Variants in PAPPA observed in about 807,000 individuals in gnomAD.
PAPPA encodes pappalysin 1, also known as pappalysin-1.
In PAPPA, 60 loss-of-function variants were observed where a neutral mutation model predicts 164.0. The observed-to-expected ratio is 0.37, with a 90% CI of 0.30 to 0.45. The LOEUF (loss-of-function observed/expected upper bound fraction) is 0.45, where lower values mean the gene tolerates loss of function less well. PAPPA is among the 20% of genes least tolerant of loss of function. The pLI, the probability that PAPPA is intolerant of heterozygous loss-of-function variation, is 1.00. For missense variants in PAPPA, 1,782 were observed against 2,087.3 expected (o/e 0.85, Z 2.85); for synonymous variants, 875 against 814.1 (o/e 1.07, Z -1.27).
chr9:116,226,544 C>T (rs971299055), intron 5 of PAPPA, among the ~76,000 whole-genome samples: 6 of 152,196 alleles, frequency 3.9e-5, no homozygotes, highest in African/African-American at 7.2e-5. Flanking sequence ...CATTTCTCGA[C>T]GTCTTCCCGA....
chr9:116,359,096 T>C (rs1358458603), intron 17 of PAPPA, among the ~76,000 whole-genome samples: 1 of 152,176 alleles, frequency 6.6e-6, no homozygotes, highest in African/African-American at 2.4e-5. Context: ...AGCTGGGAAG[T>C]TGCCAAGCTT....
chr9:116,166,239 T>C (rs1444646352), intron 1 of PAPPA, among the ~76,000 whole-genome samples: 1 of 152,176 alleles, frequency 6.6e-6, no homozygotes, highest in Admixed American at 6.5e-5. Flanking sequence ...GGAAGGGGAA[T>C]AGTATATTTA....
intron 7 of PAPPA, among the ~76,000 whole-genome samples, chr9:116,250,041 GTGTGTGTGT>G (rs1844842067): frequency 6.6e-6 from 1 of 151,874 alleles, no homozygotes; most frequent in African/African-American, 2.4e-5. Context: ...GTGTGTGTGT[GTGTGTGTGT>G]GTTTGGAGCA....
rs766135471 is a variant in PAPPA at position 116,187,278 on chromosome 9, G to A, written c.540G>A (p.Arg180=). 19 of 1,614,034 alleles carry A rather than the reference G, an allele frequency of 1.2e-5. No homozygotes were observed. The South Asian group carries it at 2.0e-4, about 17-fold the overall frequency. ...TCTCCTTGAAGACAGACCGAGCCCGGCAAGTGACCACCATCAATGCCCACC... is the reference window on the plus strand; with the variant it reads ...TCTCCTTGAAGACAGACCGAGCCCGACAAGTGACCACCATCAATGCCCACC... ...YFFSLKTDRA[R]QVTTINAHRS... is the part of the protein sequence containing the mutation. Residue 180 remains arginine (R), a synonymous_variant, in exon 2 of 22, where the codon CGG becomes CGA. Coordinates refer to ENST00000328252, the MANE Select transcript of PAPPA (RefSeq NM_002581.5). The surrounding 1 kb of genome is among the most constrained non-coding windows in gnomAD (Gnocchi z 4.2).
At chr9:116,191,832 T>C (rs1476176588) in intron 2 of PAPPA, among the ~76,000 whole-genome samples, 2 of 152,024 alleles carry the variant, frequency 1.3e-5, no homozygotes, top group Admixed American at 6.6e-5. Context: ...GGAGGGGCTG[T>C]TTTCAAGGAG....
chr9:116,350,322 T>C (rs1483522659), intron 15 of PAPPA, among the ~76,000 whole-genome samples: 1 of 152,106 alleles, frequency 6.6e-6, no homozygotes, highest in African/African-American at 2.4e-5. Flanking sequence ...CAAAGCCACA[T>C]TGTAGATGCA....
chr9:116,187,118 T>C lies in PAPPA; in HGVS notation c.416-36T>C. On this transcript the variant is annotated intron_variant, in intron 1 of 21. Coordinates refer to ENST00000328252, the MANE Select transcript of PAPPA (RefSeq NM_002581.5). This position sits in a 1 kb window ranked among gnomAD's most constrained non-coding sequence, Gnocchi z 4.2. ...CTTAACCCCCCCTCCTTTTCCATCC[T>C]TTATTTATTCATCTTTCTCTTTTGG... The C allele has an allele frequency of 6.8e-7, 1 of 1,469,218 alleles. No individual in the cohort carries two copies. The highest frequency in any genetic ancestry group is 9.5e-7 in the Non-Finnish European group (1 of 1,054,884). 91.0% of individuals were successfully genotyped at this position (1,469,218 alleles called of 1,614,324 possible).
intron 9 of PAPPA, among the ~76,000 whole-genome samples, chr9:116,281,732 G>T (rs977348852): frequency 6.6e-6 from 1 of 152,104 alleles, no homozygotes; most frequent in African/African-American, 2.4e-5. Flanking sequence ...AGTGACTTTT[G>T]AGAATGTGGC....
chr9:116,216,035 T>C (rs1160238384), intron 4 of PAPPA, among the ~76,000 whole-genome samples: 1 of 152,118 alleles, frequency 6.6e-6, no homozygotes, highest in Non-Finnish European at 1.5e-5. Context: ...GTAATGTTTA[T>C]TTTTTGTAAC....
chr9:116,344,514 C>T (rs763158290), intron 13 of PAPPA, 29 bp from the exon 14 acceptor site: 20 of 1,599,608 alleles, frequency 1.3e-5, no homozygotes, highest in Non-Finnish European at 1.7e-5. Context: ...GAGGAGACTC[C>T]TTCTTCCCCT....
intron 7 of PAPPA, among the ~76,000 whole-genome samples, chr9:116,244,004 T>C (rs1334456691): frequency 2.0e-5 from 3 of 152,110 alleles, no homozygotes; most frequent in Non-Finnish European, 4.4e-5. Context: ...GGGGAGCACA[T>C]AGTCAGCACA....
At chr9:116,329,787 C>T (rs1034620221) in intron 10 of PAPPA, among the ~76,000 whole-genome samples, 1 of 152,116 alleles carries the variant, frequency 6.6e-6, no homozygotes, top group African/African-American at 2.4e-5. Flanking sequence ...TGGCTAGAGA[C>T]CATACTGAGC....
intron 7 of PAPPA, among the ~76,000 whole-genome samples, chr9:116,242,119 A>G (rs1424219096): frequency 6.6e-6 from 1 of 152,156 alleles, no homozygotes; most frequent in African/African-American, 2.4e-5. Flanking sequence ...CATGGTTCTA[A>G]ATGAAAAATA....
chr9:116,328,728 G>A (rs1469727795), intron 10 of PAPPA, among the ~76,000 whole-genome samples: 1 of 152,170 alleles, frequency 6.6e-6, no homozygotes. Flanking sequence ...TGGAAACTAA[G>A]TAGATCTTCT....
At chr9:116,262,005 G>T (rs73530045) in intron 7 of PAPPA, among the ~76,000 whole-genome samples, 3 of 152,168 alleles carry the variant, frequency 2.0e-5, no homozygotes, top group Non-Finnish European at 4.4e-5. Flanking sequence ...TGGATCCCAG[G>T]TGTTCTAAAC....
In PAPPA at chr9:116,362,687, A is replaced by C; in HGVS notation, c.4443A>C (p.Pro1481=). 1.9e-6 allele frequency: 3 copies of C among 1,614,066 alleles called. No homozygotes were observed. Among genetic ancestry groups the C allele is most frequent in the Non-Finnish European group, 2.5e-6 (3 of 1,179,988 alleles). ...AGATGCAAGGCCAGTGCTCGGTTCCAAACGAGCTCAACAGCAACCTCAAAC... is the reference window on the plus strand; with the variant it reads ...AGATGCAAGGCCAGTGCTCGGTTCCCAACGAGCTCAACAGCAACCTCAAAC... ...CQEMQGQCSV[P]NELNSNLKLQ... Residue 1481 remains proline, a synonymous_variant, in exon 18 of 22, where the codon CCA becomes CCC. Transcript: ENST00000328252.
At position 116,316,016 on chromosome 9, in the gene PAPPA, T is replaced by G. The variant is rs1240445498; in HGVS notation, c.3147+13066T>G. Among the ~76,000 whole-genome samples the G allele has an allele frequency of 3.9e-5, 6 of 152,206 alleles. No individual in the cohort carries two copies. In the South Asian group the frequency reaches 1.0e-3, roughly 26 times the overall value. Reference sequence around the variant, plus strand: ...TTAAGACTCACAAAGGTTAGGTCACTTACCCAAGTTCTACAGGTAGCCCAG... The same window carrying G: ...TTAAGACTCACAAAGGTTAGGTCACGTACCCAAGTTCTACAGGTAGCCCAG... On this transcript the variant is annotated intron_variant, in intron 10 of 21. Transcript: ENST00000328252.
chr9:116,334,479 C>G (rs1452798547), intron 12 of PAPPA, among the ~76,000 whole-genome samples: 1 of 152,114 alleles, frequency 6.6e-6, no homozygotes, highest in Admixed American at 6.5e-5. Flanking sequence ...TTATTTCCAT[C>G]ACTTTTCCAA....
chr9:116,383,530 A>G (rs1213289240), intron 21 of PAPPA, among the ~76,000 whole-genome samples: 2 of 126,960 alleles, frequency 1.6e-5, no homozygotes, highest in African/African-American at 5.6e-5. Flanking sequence ...GACAAAGTGA[A>G]TGATAGAAAG....
Sources: allele counts gnomAD v4.1 joint callset (sites outside exome capture counted in the v4.1 genomes callset), GRCh38; gene constraint gnomAD v4.1.1; non-coding constraint Gnocchi (gnomAD v3.1); transcripts MANE v1.5; gene names NCBI Gene and HGNC (gene_info 2026-07-23, HGNC 2026-07-21).